Variants in CDK14 observed in about 807,000 individuals in gnomAD.
The protein encoded by CDK14 is cyclin-dependent kinase 14.
In CDK14, 34 loss-of-function variants were observed where a neutral mutation model predicts 60.7. The observed-to-expected ratio is 0.56, with a 90% confidence interval of 0.43 to 0.75. The LOEUF (loss-of-function observed/expected upper bound fraction) is 0.75, where lower values mean the gene tolerates loss of function less well. Ranked by LOEUF, CDK14 falls within the 30% of genes least tolerant of loss-of-function variation. CDK14 has a pLI of 0.00. For missense variants in CDK14, 482 were observed against 564.1 expected (o/e 0.85, Z 1.47); for synonymous variants, 197 against 203.7 (o/e 0.97, Z 0.28).
chr7:90,895,158 G>T (rs1356143935), intron 6 of CDK14, among the ~76,000 whole-genome samples: 2 of 151,958 alleles, frequency 1.3e-5, no homozygotes, highest in Non-Finnish European at 2.9e-5. Flanking sequence ...TACCTTTTTA[G>T]TTATAGCCCT....
At chr7:90,664,557 A>AG (rs1800931855) in intron 2 of CDK14, among the ~76,000 whole-genome samples, 1 of 152,226 alleles carries the variant, frequency 6.6e-6, no homozygotes, top group African/African-American at 2.4e-5. Context: ...CAACAATGAT[A>AG]GACTGGATTA....
chr7:90,608,110 T>G (rs1019774860), intron 2 of CDK14, among the ~76,000 whole-genome samples: 14 of 152,208 alleles, frequency 9.2e-5, no homozygotes, highest in African/African-American at 3.1e-4. Context: ...GGGTAAAGCA[T>G]CAACTTCATA....
At chr7:90,779,398 A>G (rs1475018676) in intron 4 of CDK14, among the ~76,000 whole-genome samples, 4 of 152,136 alleles carry the variant, frequency 2.6e-5, no homozygotes, top group African/African-American at 9.7e-5. Flanking sequence ...GACTACAGGC[A>G]CGTGCCACCA....
At chr7:90,893,881 T>TA (rs3839830) in intron 6 of CDK14, among the ~76,000 whole-genome samples, 14,502 of 152,204 alleles carry the variant, frequency 0.095, 826 homozygotes, top group East Asian at 0.18. Flanking sequence ...AAGTTAGTGA[T>TA]ATAATGCTGG....
chr7:90,649,248 CTTT>C, intron 2 of CDK14, among the ~76,000 whole-genome samples: 1 of 25,182 alleles, frequency 4.0e-5, no homozygotes, highest in East Asian at 8.0e-4. Context: ...TTCTTTCTTT[CTTT>C]CTTTCTTTCT....
intron 5 of CDK14, among the ~76,000 whole-genome samples, chr7:90,809,602 A>G (rs1342870344): frequency 6.6e-6 from 1 of 152,228 alleles, no homozygotes; most frequent in African/African-American, 2.4e-5. Context: ...AGCTAGCAGA[A>G]GGCAAGAAAT....
intron 2 of CDK14, among the ~76,000 whole-genome samples, chr7:90,698,345 C>T (rs1312716610): frequency 6.6e-6 from 1 of 152,028 alleles, no homozygotes; most frequent in Non-Finnish European, 1.5e-5. Context: ...AATACAGTTT[C>T]TTGGTTGTGA....
chr7:90,621,655 T>TCCTGCCTTCCTGCCTTCCTGCCTTCCTG (rs1457462136), intron 2 of CDK14, among the ~76,000 whole-genome samples: 38 of 111,698 alleles, frequency 3.4e-4, no homozygotes, highest in African/African-American at 7.9e-4. Context: ...CTTCCTTCCT[T>TCCTGCCTTCCTGCCTTCCTGCCTTCCTG]CCTTCCTTCC....
At chr7:90,688,258 C>A (rs1326150809) in intron 2 of CDK14, among the ~76,000 whole-genome samples, 1 of 152,052 alleles carries the variant, frequency 6.6e-6, no homozygotes, top group Non-Finnish European at 1.5e-5. Flanking sequence ...GGTTTTGATG[C>A]CTGAGATCAG....
intron 5 of CDK14, among the ~76,000 whole-genome samples, chr7:90,812,962 T>C (rs1789196004): frequency 6.6e-6 from 1 of 152,220 alleles, no homozygotes; most frequent in Admixed American, 6.5e-5. Context: ...TGAAGACATT[T>C]ACCTAAGTGT....
chr7:90,818,948 G>C (rs962784839), intron 5 of CDK14, among the ~76,000 whole-genome samples: 3 of 151,784 alleles, frequency 2.0e-5, no homozygotes, highest in African/African-American at 7.3e-5. Flanking sequence ...TTTATTTGCT[G>C]CCATAATATT....
chr7:90,687,310 G>T (rs6979481), intron 2 of CDK14, among the ~76,000 whole-genome samples: 1,694 of 152,060 alleles, frequency 0.011, 31 homozygotes, highest in African/African-American at 0.039. Context: ...TTTATTAACC[G>T]AGCAGAGTTA....
At chr7:90,884,882 A>G (rs769449558) in intron 6 of CDK14, among the ~76,000 whole-genome samples, 17 of 152,230 alleles carry the variant, frequency 1.1e-4, no homozygotes, top group Non-Finnish European at 1.3e-4. Flanking sequence ...GGCTAGCCAT[A>G]TGTGGAAAAC....
intron 10 of CDK14, among the ~76,000 whole-genome samples, chr7:91,030,250 C>T (rs990171976): frequency 7.2e-5 from 11 of 152,266 alleles, no homozygotes; most frequent in African/African-American, 2.2e-4. Flanking sequence ...GATTTCCTAA[C>T]GTTAAACTTA....
intron 3 of CDK14, among the ~76,000 whole-genome samples, chr7:90,746,175 C>T (rs552395035): frequency 1.3e-5 from 2 of 152,294 alleles, no homozygotes; most frequent in South Asian, 2.1e-4. Context: ...TTCTGATTAC[C>T]TTCTTTCAGA....
chr7:91,159,961 T>G (rs1162413125), intron 14 of CDK14, among the ~76,000 whole-genome samples: 1 of 152,172 alleles, frequency 6.6e-6, no homozygotes, highest in Non-Finnish European at 1.5e-5. Context: ...ATACTACCTT[T>G]TCAATGCATG....
At chr7:90,862,428 A>G (rs1791039310) in intron 5 of CDK14, among the ~76,000 whole-genome samples, 1 of 152,176 alleles carries the variant, frequency 6.6e-6, no homozygotes, top group African/African-American at 2.4e-5. Flanking sequence ...GACATTACTT[A>G]TTGATAAAAC....
intron 12 of CDK14, among the ~76,000 whole-genome samples, chr7:91,108,325 G>C (rs1799370096): frequency 9.9e-5 from 15 of 152,094 alleles, no homozygotes; most frequent in Admixed American, 9.2e-4. Context: ...AAAAAGAGAA[G>C]CTTGTTGTTC....
chr7:91,006,486 T>C (rs1795982583), intron 10 of CDK14, among the ~76,000 whole-genome samples: 1 of 152,240 alleles, frequency 6.6e-6, no homozygotes, highest in African/African-American at 2.4e-5. Context: ...TTCATTTTCT[T>C]AATTTGATCA....
Sources: allele counts gnomAD v4.1 joint callset (sites outside exome capture counted in the v4.1 genomes callset), GRCh38; gene constraint gnomAD v4.1.1; transcripts MANE v1.5; gene names NCBI Gene and HGNC (gene_info 2026-07-23, HGNC 2026-07-21).